PDE7B: variants seen among roughly 807,000 people sequenced by gnomAD.
The protein encoded by PDE7B is phosphodiesterase 7B, also known as 3',5'-cyclic-AMP phosphodiesterase 7B.
A neutral mutation model predicts 56.2 loss-of-function variants in PDE7B; 29 were observed. The observed-to-expected ratio is 0.52, with a 90% CI of 0.38 to 0.70. PDE7B has a LOEUF of 0.70. PDE7B is among the 30% of genes least tolerant of loss of function. The pLI, the probability that PDE7B is intolerant of heterozygous loss-of-function variation, is 0.00. For synonymous variants in PDE7B, 197 were observed against 196.9 expected, an observed-to-expected ratio of 1.00 and a Z score of 0.00; for missense variants, 490 against 565.0, an observed-to-expected ratio of 0.87 and a Z score of 1.35.
rs559322849 is a variant in PDE7B, at chr6:136,150,321, C to A, written c.383-839C>A. Among the ~76,000 whole-genome samples the A allele has an allele frequency of 1.8e-3, 272 of 152,236 alleles. 10 individuals are homozygous for A. Among genetic ancestry groups the A allele is most frequent in the Admixed American group, 1.3e-3 (20 of 15,292 alleles). On this transcript the variant is annotated intron_variant, in intron 5 of 12. Transcript: ENST00000308191. ...GATTTCATTTCCTGTATGTTTTCTTCCAGTAGTTTCATAGTTTCAGGTCTC... is the reference window on the plus strand; with the variant it reads ...GATTTCATTTCCTGTATGTTTTCTTACAGTAGTTTCATAGTTTCAGGTCTC...
chr6:135,886,932 G>C (rs2128189599), intron 1 of PDE7B, among the ~76,000 whole-genome samples: 1 of 152,210 alleles, frequency 6.6e-6, no homozygotes, highest in Non-Finnish European at 1.5e-5. Context: ...AGTTCTTTAA[G>C]GATCCTCCCT....
chr6:136,153,958 T>C (rs1778565484), intron 6 of PDE7B, 117 bp from the exon 7 acceptor site: 1 of 672,566 alleles, frequency 1.5e-6, no homozygotes, highest in Non-Finnish European at 2.7e-6. Context: ...AGCATCTCTA[T>C]GCTGCACATT....
At chr6:136,038,060 GTGTT>G (rs1562476399) in intron 2 of PDE7B, 1 of 1,337,696 alleles carries the variant, frequency 7.5e-7, no homozygotes, top group Admixed American at 2.0e-5. Flanking sequence ...CTCGTCGGCA[GTGTT>G]TGTGGAGGGC....
At chr6:135,959,934 T>C (rs1407709613) in intron 2 of PDE7B, among the ~76,000 whole-genome samples, 1 of 152,100 alleles carries the variant, frequency 6.6e-6, no homozygotes, top group African/African-American at 2.4e-5. Flanking sequence ...CCACCACCCC[T>C]GGCTAATTTT....
intron 2 of PDE7B, among the ~76,000 whole-genome samples, chr6:136,003,388 C>T (rs1476060662): frequency 2.0e-5 from 3 of 151,990 alleles, no homozygotes; most frequent in South Asian, 4.1e-4. Flanking sequence ...ACAAAAAACC[C>T]TTCAAAAAAT....
chr6:136,151,103 T>C, intron 5 of PDE7B, 57 bp from the exon 6 acceptor site: 2 of 875,014 alleles, frequency 2.3e-6, no homozygotes, highest in Non-Finnish European at 3.9e-6. Context: ...TTATTGTCAA[T>C]CTTGATATTT....
intron 2 of PDE7B, among the ~76,000 whole-genome samples, chr6:136,010,519 C>T (rs1481380914): frequency 3.3e-5 from 5 of 151,766 alleles, no homozygotes; most frequent in African/African-American, 1.2e-4. Flanking sequence ...GATTCTCCTG[C>T]CTCAGCTTCC....
At chr6:135,981,290 G>C (rs1409034055) in intron 2 of PDE7B, among the ~76,000 whole-genome samples, 3 of 113,366 alleles carry the variant, frequency 2.6e-5, no homozygotes, top group African/African-American at 6.5e-5. Flanking sequence ...GTTGTGGGGT[G>C]GGGGGAGGGG....
chr6:136,047,849 C>T (rs887489381), intron 2 of PDE7B, among the ~76,000 whole-genome samples: 23 of 152,074 alleles, frequency 1.5e-4, no homozygotes, highest in Non-Finnish European at 3.2e-4. Context: ...ATATTATGAC[C>T]TATTAGAAGA....
At chr6:135,923,560 G>C (rs889361473) in intron 1 of PDE7B, among the ~76,000 whole-genome samples, 1 of 152,112 alleles carries the variant, frequency 6.6e-6, no homozygotes, top group East Asian at 1.9e-4. Context: ...AAAAAAGTAG[G>C]TTATACCAAT....
intron 1 of PDE7B, among the ~76,000 whole-genome samples, chr6:135,921,052 G>T (rs913574639): frequency 6.6e-6 from 1 of 152,136 alleles, no homozygotes; most frequent in East Asian, 1.9e-4. Flanking sequence ...AAAGAGCTTG[G>T]GGGTGGTCAG....
chr6:135,874,227 G>A (rs991212702), intron 1 of PDE7B, among the ~76,000 whole-genome samples: 2 of 152,158 alleles, frequency 1.3e-5, no homozygotes, highest in African/African-American at 4.8e-5. Context: ...TGCATCTGAT[G>A]TCGTGAGTCT....
rs150544377 is a variant in PDE7B at position 135,866,601 on chromosome 6, A to T, written c.21+14582A>T. ...TTCCATCAAATATATTTGGCATACT[A>T]CACTATTGAGCTCCTGATTTATGGC... On this transcript the variant is annotated intron_variant, in intron 1 of 12. Coordinates refer to ENST00000308191, the MANE Select transcript of PDE7B (RefSeq NM_018945.4). Among the ~76,000 whole-genome samples the T allele has an allele frequency of 3.3e-5, 5 of 152,300 alleles. No individual in the cohort carries two copies. In the East Asian group the frequency reaches 9.6e-4, roughly 29 times the overall value.
At chr6:136,135,148 G>A (rs1167483664) in intron 3 of PDE7B, among the ~76,000 whole-genome samples, 7 of 151,972 alleles carry the variant, frequency 4.6e-5, no homozygotes, top group African/African-American at 2.4e-5. Context: ...AATGACATAA[G>A]GCTTTAATAC....
At chr6:135,877,358 C>CTTTTTTTTTTTTTT (rs11302793) in intron 1 of PDE7B, among the ~76,000 whole-genome samples, 1 of 126,948 alleles carries the variant, frequency 7.9e-6, no homozygotes, top group Admixed American at 8.0e-5. Context: ...TTACACATTC[C>CTTTTTTTTTTTTTT]TTTTTTTTTT....
intron 5 of PDE7B, among the ~76,000 whole-genome samples, chr6:136,149,990 A>G (rs1778483633): frequency 1.3e-5 from 2 of 152,236 alleles, no homozygotes; most frequent in Non-Finnish European, 2.9e-5. Flanking sequence ...TTTTGTTCAA[A>G]TCAACTGAGA....
Position 135,934,906 on chromosome 6 carries a change from TATAA to T in PDE7B, c.22-12554_22-12551del, listed in dbSNP as rs1774378488. Among the ~76,000 whole-genome samples the T allele has an allele frequency of 2.8e-5, 3 of 108,654 alleles. No homozygotes were observed. In the South Asian group the frequency reaches 7.2e-4, roughly 26 times the overall value. 71.3% of individuals were successfully genotyped at this position (108,654 alleles called of 152,430 possible). ...TTATTTAAATATATATTTAAATATA[TATAA>T]ATATTTATTTAAATATATATTTAAA... On this transcript the variant is annotated intron_variant, in intron 1 of 12. Coordinates refer to ENST00000308191, the MANE Select transcript of PDE7B (RefSeq NM_018945.4).
At chr6:136,040,911 C>T (rs9385752) in intron 2 of PDE7B, among the ~76,000 whole-genome samples, 10,405 of 152,172 alleles carry the variant, frequency 0.068, 448 homozygotes, top group East Asian at 0.13. Flanking sequence ...AGCGGCCTCC[C>T]GTCTCCCCCA....
chr6:135,936,022 G>T (rs905215216), intron 1 of PDE7B, among the ~76,000 whole-genome samples: 1 of 152,178 alleles, frequency 6.6e-6, no homozygotes, highest in African/African-American at 2.4e-5. Context: ...TTCGTTTGTG[G>T]CTCAGAGGCT....
Sources: allele counts gnomAD v4.1 joint callset (sites outside exome capture counted in the v4.1 genomes callset), GRCh38; gene constraint gnomAD v4.1.1; transcripts MANE v1.5; gene names NCBI Gene and HGNC (gene_info 2026-07-23, HGNC 2026-07-21).